AGR3: variants seen among roughly 807,000 people sequenced by gnomAD.
AGR3 encodes the protein anterior gradient 3, protein disulphide isomerase family member.
In AGR3, 37 loss-of-function variants were observed where a neutral mutation model predicts 24.5. The ratio of observed to expected loss-of-function variants is 1.51; its 90% CI spans 1.16 to 1.99. The LOEUF (loss-of-function observed/expected upper bound fraction) is 1.99. Ranked by LOEUF, AGR3 falls within the 30% of genes most tolerant of loss-of-function variation. AGR3 has a pLI of 0.00. For missense variants in AGR3, 228 were observed against 191.1 expected, an observed-to-expected ratio of 1.19 and a Z score of -1.14; for synonymous variants, 75 against 61.6, an observed-to-expected ratio of 1.22 and a Z score of -1.02.
At chr7:16,878,775 C>A in intron 1 of AGR3, 130 bp from the exon 2 acceptor site, 2 of 605,184 alleles carry the variant, frequency 3.3e-6, no homozygotes, top group East Asian at 5.5e-5. Context: ...CATGGTATAA[C>A]CAACCACATA....
intron 2 of AGR3, among the ~76,000 whole-genome samples, chr7:16,875,285 A>G (rs549141620): frequency 6.6e-6 from 1 of 152,268 alleles, no homozygotes; most frequent in Non-Finnish European, 1.5e-5. Context: ...CACAGCCCTA[A>G]GAAACCCCTA....
intron 2 of AGR3, among the ~76,000 whole-genome samples, chr7:16,876,197 T>A (rs1781983687): frequency 6.6e-6 from 1 of 152,212 alleles, no homozygotes; most frequent in Non-Finnish European, 1.5e-5. Context: ...TCTGTTATAA[T>A]CACAATAGGT....
intron 2 of AGR3, among the ~76,000 whole-genome samples, chr7:16,876,640 T>C (rs1781991128): frequency 6.6e-6 from 1 of 152,178 alleles, no homozygotes. Context: ...CATGTAGCAA[T>C]AGATGGTAAA....
At chr7:16,862,521 G>T in intron 4 of AGR3, 89 bp downstream of exon 4, 1 of 737,734 alleles carries the variant, frequency 1.4e-6, no homozygotes, top group Non-Finnish European at 2.0e-6. Context: ...TTTGCTGAGC[G>T]CCTTCTTAGC....
At chr7:16,873,010 A>C (rs193262346) in intron 3 of AGR3, among the ~76,000 whole-genome samples, 252 of 152,348 alleles carry the variant, frequency 1.7e-3, no homozygotes, top group African/African-American at 5.9e-3. Context: ...GTAGGAATGT[A>C]AATTAGTACA....
intron 6 of AGR3, 97 bp from the exon 7 acceptor site, chr7:16,860,680 T>C: frequency 1.2e-6 from 1 of 827,440 alleles, no homozygotes; most frequent in Non-Finnish European, 1.9e-6. Flanking sequence ...GTGGGGGTTA[T>C]GTGTACAAGT....
chr7:16,862,558 T>C (rs1036286441), intron 4 of AGR3, 52 bp downstream of exon 4: 2 of 1,205,468 alleles, frequency 1.7e-6, no homozygotes, highest in Non-Finnish European at 1.1e-6. Context: ...CTTTTCCTAT[T>C]TTATATTGGA....
intron 7 of AGR3, 68 bp downstream of exon 7, chr7:16,860,432 C>T: frequency 8.6e-7 from 1 of 1,163,118 alleles, no homozygotes; most frequent in Non-Finnish European, 1.3e-6. Context: ...TGTAGGGCTT[C>T]ACTAGCCCTT....
chr7:16,875,915 A>G (rs1266882803), intron 2 of AGR3, among the ~76,000 whole-genome samples: 1 of 152,188 alleles, frequency 6.6e-6, no homozygotes, highest in East Asian at 1.9e-4. Context: ...AGTAAAAGTT[A>G]TTCTAAAACA....
intron 3 of AGR3, chr7:16,866,347 G>T: frequency 4.6e-6 from 2 of 435,802 alleles, no homozygotes; most frequent in Non-Finnish European, 4.6e-6. Flanking sequence ...TATAGGACCT[G>T]TAGTACATTA....
intron 6 of AGR3, 58 bp from the exon 7 acceptor site, chr7:16,860,641 CT>C: frequency 8.6e-7 from 1 of 1,161,160 alleles, no homozygotes; most frequent in Non-Finnish European, 1.3e-6. Flanking sequence ...TTTCTTTACT[CT>C]TGTAAAAACT....
chr7:16,875,365 G>A (rs1474961793), intron 2 of AGR3, among the ~76,000 whole-genome samples: 2 of 152,002 alleles, frequency 1.3e-5, no homozygotes, highest in African/African-American at 4.8e-5. Context: ...ACAATATGTA[G>A]GCTTTTGTGA....
At chr7:16,880,921 C>T (rs934753694) in intron 1 of AGR3, among the ~76,000 whole-genome samples, 2 of 152,054 alleles carry the variant, frequency 1.3e-5, no homozygotes, top group Non-Finnish European at 2.9e-5. Context: ...CAGCAGGCTT[C>T]TAGAAGGCCT....
Position 16,862,596 on chromosome 7 carries a change from G to A in AGR3, c.226+14C>T, listed in dbSNP as rs1269507396. ...TATTATATATTATAATAAGATATCAGGGGCTAAAATTACCTTGAGAGTATT... is the reference window on the plus strand; with the variant it reads ...TATTATATATTATAATAAGATATCAAGGGCTAAAATTACCTTGAGAGTATT... On this transcript the variant is annotated intron_variant, in intron 4 of 7. Coordinates refer to ENST00000310398, the MANE Select transcript of AGR3 (RefSeq NM_176813.5). The A allele has an allele frequency of 6.8e-7, 1 of 1,476,826 alleles. No homozygotes were observed. Among genetic ancestry groups the A allele is most frequent in the Middle Eastern group, 2.3e-4 (1 of 4,436 alleles). The allele number at this position is 1,476,826 out of a possible 1,614,324, so 91.5% of individuals were successfully genotyped here.
intron 3 of AGR3, among the ~76,000 whole-genome samples, 155 bp from the exon 4 acceptor site, chr7:16,862,817 C>G (rs1488780695): frequency 6.6e-6 from 1 of 152,298 alleles, no homozygotes; most frequent in Middle Eastern, 3.4e-3. Flanking sequence ...CAGTGTTACT[C>G]TATTTGTGGC....
At chr7:16,859,262 AATTAG>A (rs1311419974), downstream of AGR3, 1 of 179,800 alleles carries the variant, frequency 5.6e-6, no homozygotes, top group Non-Finnish European at 1.1e-5. Context: ...TTAAAAATAA[AATTAG>A]ATTAGTTGAT....
At position 16,864,846 on chromosome 7, in the gene AGR3, A is replaced by G. The variant is rs779393199; in HGVS notation, c.174-2184T>C. The G allele has an allele frequency of 5.4e-5, 47 of 872,280 alleles. 1 individual carries two copies. The highest frequency in any genetic ancestry group is 7.6e-5 in the Non-Finnish European group (38 of 502,896). The allele number at this position is 872,280 out of a possible 1,614,324, so 54.0% of individuals were successfully genotyped here. ...TAGATGTCCTATATTTCCTGAGTAA[A>G]GAGCGTGTATTCCAGTCACCACTGA... On this transcript the variant is annotated intron_variant, in intron 3 of 7. Coordinates refer to ENST00000310398, the MANE Select transcript of AGR3 (RefSeq NM_176813.5).
intron 4 of AGR3, 101 bp downstream of exon 4, chr7:16,862,509 G>T: frequency 4.7e-6 from 3 of 635,228 alleles, no homozygotes; most frequent in Non-Finnish European, 7.2e-6. Context: ...TTTTTAATGG[G>T]ATTTGCTGAG....
At chr7:16,860,186 G>T (rs1476904115) in intron 7 of AGR3, among the ~76,000 whole-genome samples, 2 of 152,096 alleles carry the variant, frequency 1.3e-5, no homozygotes, top group Non-Finnish European at 2.9e-5. Flanking sequence ...ACTATCATTT[G>T]ATGAAATCAC....
Sources: gnomAD v4.1 joint callset for allele counts (sites outside exome capture counted in the v4.1 genomes callset) on GRCh38, gnomAD v4.1.1 for gene constraint, MANE v1.5 for transcripts, NCBI Gene and HGNC (gene_info 2026-07-23, HGNC 2026-07-21) for gene names.